Variants in NME7 observed in about 807,000 individuals in gnomAD.
NME7 encodes NME/NM23 family member 7, also known as nucleoside diphosphate kinase 7.
A neutral mutation model predicts 49.1 loss-of-function variants in NME7; 41 were observed. The observed-to-expected ratio is 0.83, with a 90% CI of 0.65 to 1.08. The LOEUF (loss-of-function observed/expected upper bound fraction) is 1.08. Among genes scored for constraint, NME7 ranks in the 50% least tolerant of loss-of-function variants. The pLI, the probability that NME7 is intolerant of heterozygous loss-of-function variation, is 0.00. For missense variants in NME7, 423 were observed against 463.4 expected (o/e 0.91, Z 0.80); for synonymous variants, 139 against 150.6 (o/e 0.92, Z 0.56).
chr1:169,163,394 G>A (rs1017621015), intron 11 of NME7, among the ~76,000 whole-genome samples: 19 of 152,006 alleles, frequency 1.2e-4, no homozygotes, highest in African/African-American at 3.9e-4. Flanking sequence ...AATTTCTGAT[G>A]AGCAAAGGGA....
chr1:169,287,768 T>A (rs1366110165), intron 6 of NME7, among the ~76,000 whole-genome samples: 2 of 152,128 alleles, frequency 1.3e-5, no homozygotes, highest in African/African-American at 4.8e-5. Flanking sequence ...TAATTTTAAA[T>A]TTTTCATTAA....
At chr1:169,186,013 T>C (rs1660055043) in intron 10 of NME7, among the ~76,000 whole-genome samples, 1 of 152,120 alleles carries the variant, frequency 6.6e-6, no homozygotes, top group South Asian at 2.1e-4. Context: ...TCAAAAACTA[T>C]ACACCAGTAT....
chr1:169,348,343 G>T (rs1653017538), intron 1 of NME7, among the ~76,000 whole-genome samples: 1 of 138,546 alleles, frequency 7.2e-6, no homozygotes. Context: ...TTTTGGTAAA[G>T]TAACAGATTC....
chr1:169,179,110 C>A (rs983983695), intron 10 of NME7, among the ~76,000 whole-genome samples: 2 of 152,110 alleles, frequency 1.3e-5, no homozygotes, highest in Non-Finnish European at 2.9e-5. Context: ...CATGAGCCAC[C>A]GCACCTGGCC....
chr1:169,287,541 T>A, intron 6 of NME7, 133 bp from the exon 7 acceptor site: 1 of 656,954 alleles, frequency 1.5e-6, no homozygotes, highest in Non-Finnish European at 2.5e-6. Flanking sequence ...TCAGATTTTC[T>A]AAAAATGAGT....
At chr1:169,363,888 C>T (rs1361076928) in intron 1 of NME7, among the ~76,000 whole-genome samples, 1 of 152,104 alleles carries the variant, frequency 6.6e-6, no homozygotes, top group Non-Finnish European at 1.5e-5. Context: ...CATTCATTGC[C>T]CTTAGCATTC....
chr1:169,278,717 T>C (rs922748506), intron 7 of NME7, among the ~76,000 whole-genome samples: 12 of 152,210 alleles, frequency 7.9e-5, no homozygotes, highest in Admixed American at 2.0e-4. Context: ...CTTTGTTCCA[T>C]TGCTGGTGAG....
At chr1:169,290,622 A>G (rs1650459631) in intron 6 of NME7, among the ~76,000 whole-genome samples, 1 of 152,232 alleles carries the variant, frequency 6.6e-6, no homozygotes, top group South Asian at 2.1e-4. Flanking sequence ...TTCATGACTA[A>G]AAGACCAAAA....
Position 169,188,780 on chromosome 1 carries a change from T to C in NME7, c.991-19226A>G, listed in dbSNP as rs528568904. Among the ~76,000 whole-genome samples the C allele has an allele frequency of 9.1e-4, 139 of 152,334 alleles. 1 individual carries two copies. Among genetic ancestry groups the C allele is most frequent in the African/African-American group, 3.3e-3 (136 of 41,586 alleles). ...GATCAGATCATTTTGACTTCTCATA[T>C]AATTGTTACACACTGAGGTGATACC... On this transcript the variant is annotated intron_variant, in intron 10 of 11. Transcript: ENST00000367811.
intron 10 of NME7, among the ~76,000 whole-genome samples, chr1:169,192,320 A>C (rs1328021551): frequency 6.6e-6 from 1 of 152,144 alleles, no homozygotes; most frequent in African/African-American, 2.4e-5. Context: ...GAACACAAAC[A>C]ATCTGGGATC....
At chr1:169,324,558 G>C (rs760818900) in intron 1 of NME7, 58 bp from the exon 2 acceptor site, 25 of 1,022,532 alleles carry the variant, frequency 2.4e-5, no homozygotes, top group Non-Finnish European at 3.1e-5. Flanking sequence ...GCACTCTTCT[G>C]TAAGTCACAC....
At position 169,237,587 on chromosome 1, in the gene NME7, C is replaced by A. The variant is rs753782467; in HGVS notation, c.819+36G>T. The A allele has an allele frequency of 4.0e-6, 6 of 1,503,342 alleles. No homozygotes were observed. In the South Asian group the frequency reaches 5.8e-5, roughly 15 times the overall value. 93.1% of individuals were successfully genotyped at this position (1,503,342 alleles called of 1,614,324 possible). ...TTTTATAACTATTTTTGAAAAAAAT[C>A]CTCACAAATATTATGGTTCATTGTA... On this transcript the variant is annotated intron_variant, in intron 8 of 11. Coordinates refer to ENST00000367811, the MANE Select transcript of NME7 (RefSeq NM_013330.5).
chr1:169,189,949 G>T (rs1476604356), intron 10 of NME7, among the ~76,000 whole-genome samples: 1 of 152,058 alleles, frequency 6.6e-6, no homozygotes, highest in Non-Finnish European at 1.5e-5. Context: ...ATTAATGTAC[G>T]TCAGGAGCCA....
intron 6 of NME7, among the ~76,000 whole-genome samples, chr1:169,291,477 G>T (rs773821055): frequency 1.3e-5 from 2 of 151,736 alleles, no homozygotes; most frequent in Non-Finnish European, 2.9e-5. Flanking sequence ...ACAAGGAGGG[G>T]AACATCACAC....
At chr1:169,312,717 T>C (rs1399250868) in intron 3 of NME7, among the ~76,000 whole-genome samples, 4 of 152,192 alleles carry the variant, frequency 2.6e-5, no homozygotes, top group East Asian at 1.9e-4. Flanking sequence ...AGATGACTGA[T>C]TGCAGTACAA....
intron 7 of NME7, chr1:169,285,306 G>A (rs1280240752): frequency 2.6e-5 from 4 of 152,136 alleles, no homozygotes; most frequent in African/African-American, 9.6e-5. Context: ...AGTAATTTGG[G>A]TTTCAGATTT....
At chr1:169,197,572 C>A (rs1413369702) in intron 10 of NME7, among the ~76,000 whole-genome samples, 1 of 152,250 alleles carries the variant, frequency 6.6e-6, no homozygotes, top group African/African-American at 2.4e-5. Context: ...CCACTTTCAA[C>A]TGATTTTCAA....
intron 7 of NME7, among the ~76,000 whole-genome samples, chr1:169,243,154 T>C (rs953235482): frequency 6.6e-6 from 1 of 152,144 alleles, no homozygotes; most frequent in African/African-American, 2.4e-5. Context: ...CATTATTAAC[T>C]GCAATAACCG....
intron 1 of NME7, among the ~76,000 whole-genome samples, chr1:169,364,236 A>G (rs574323846): frequency 6.6e-5 from 10 of 152,242 alleles, no homozygotes; most frequent in Non-Finnish European, 1.0e-4. Flanking sequence ...TTTTAGTAAG[A>G]GTGACAGATC....
Sources: gnomAD v4.1 joint callset for allele counts (sites outside exome capture counted in the v4.1 genomes callset) on GRCh38, gnomAD v4.1.1 for gene constraint, MANE v1.5 for transcripts, NCBI Gene and HGNC (gene_info 2026-07-23, HGNC 2026-07-21) for gene names.